The following CNTNAP2 variants were observed in gnomAD, a reference collection of about 807,000 sequenced individuals.
CNTNAP2 encodes contactin-associated protein-like 2.
In CNTNAP2, 98 loss-of-function variants were observed where a neutral mutation model predicts 155.2. The observed-to-expected ratio is 0.63, with a 90% CI of 0.54 to 0.75. The LOEUF is 0.75. Among genes scored for constraint, CNTNAP2 ranks in the 30% least tolerant of loss-of-function variants. The pLI, the probability that CNTNAP2 is intolerant of heterozygous loss-of-function variation, is 0.00. For synonymous variants in CNTNAP2, 651 were observed against 631.2 expected (o/e 1.03, Z -0.47); for missense variants, 1,727 against 1,688.1 (o/e 1.02, Z -0.40).
intron 13 of CNTNAP2, among the ~76,000 whole-genome samples, chr7:147,764,169 C>T (rs1797350125): frequency 2.0e-5 from 3 of 152,172 alleles, no homozygotes; most frequent in South Asian, 4.1e-4. Flanking sequence ...TCTTGCCCTA[C>T]ACCATAGCTC....
intron 1 of CNTNAP2, among the ~76,000 whole-genome samples, chr7:146,720,194 C>G (rs1485133853): frequency 1.3e-5 from 2 of 152,008 alleles, no homozygotes; most frequent in Non-Finnish European, 2.9e-5. Context: ...GACTATGCCT[C>G]TGGTTTGGTG....
At chr7:146,232,045 A>G (rs943013204) in intron 1 of CNTNAP2, among the ~76,000 whole-genome samples, 4 of 152,026 alleles carry the variant, frequency 2.6e-5, no homozygotes, top group South Asian at 2.1e-4. Flanking sequence ...TCAAGAAACT[A>G]TAAAAGAGGC....
At chr7:146,711,690 A>T (rs1801075393) in intron 1 of CNTNAP2, among the ~76,000 whole-genome samples, 1 of 147,968 alleles carries the variant, frequency 6.8e-6, no homozygotes, top group South Asian at 2.1e-4. Flanking sequence ...CATTATATAT[A>T]CATATCTTAT....
At chr7:147,940,751 T>C (rs2116814509) in intron 14 of CNTNAP2, among the ~76,000 whole-genome samples, 2 of 152,176 alleles carry the variant, frequency 1.3e-5, no homozygotes, top group South Asian at 4.2e-4. Flanking sequence ...CCAGGATGGT[T>C]GGTCTAGAAT....
intron 8 of CNTNAP2, among the ~76,000 whole-genome samples, chr7:147,170,967 T>A (rs193077089): frequency 2.0e-5 from 3 of 152,230 alleles, no homozygotes; most frequent in African/African-American, 4.8e-5. Context: ...TGGAGAGCCC[T>A]GAGAGACGGG....
At chr7:146,221,030 A>G (rs1242568628) in intron 1 of CNTNAP2, among the ~76,000 whole-genome samples, 2 of 152,220 alleles carry the variant, frequency 1.3e-5, no homozygotes, top group Non-Finnish European at 2.9e-5. Flanking sequence ...CAGAGTCCAG[A>G]GTCGTCTTCA....
At chr7:147,745,680 T>C (rs77417399) in intron 13 of CNTNAP2, among the ~76,000 whole-genome samples, 3 of 152,338 alleles carry the variant, frequency 2.0e-5, no homozygotes, top group African/African-American at 7.2e-5. Flanking sequence ...GAAGTCAGCA[T>C]TACTTGGTAA....
intron 1 of CNTNAP2, among the ~76,000 whole-genome samples, chr7:146,186,085 G>T (rs1251926241): frequency 2.6e-5 from 4 of 151,948 alleles, no homozygotes; most frequent in Middle Eastern, 3.2e-3. Context: ...TTTTTGTTAA[G>T]GATTGTAATC....
At chr7:148,113,570 G>C (rs1585132410) in intron 15 of CNTNAP2, among the ~76,000 whole-genome samples, 1 of 152,224 alleles carries the variant, frequency 6.6e-6, no homozygotes, top group Admixed American at 6.5e-5. Context: ...TATGAAATTT[G>C]TGTGAAGATA....
chr7:147,584,695 CACT>C (rs1324843290), intron 12 of CNTNAP2, among the ~76,000 whole-genome samples: 3 of 152,158 alleles, frequency 2.0e-5, no homozygotes, highest in African/African-American at 7.2e-5. Context: ...TTAGCAGCAC[CACT>C]ATTACCGATG....
chr7:146,399,335 C>CCCT (rs1795681537), intron 1 of CNTNAP2, among the ~76,000 whole-genome samples: 1 of 152,114 alleles, frequency 6.6e-6, no homozygotes, highest in Non-Finnish European at 1.5e-5. Context: ...CTTGTCCCTT[C>CCCT]CCTCCAGTCT....
intron 14 of CNTNAP2, among the ~76,000 whole-genome samples, chr7:147,961,713 A>T (rs1801123026): frequency 6.6e-6 from 1 of 152,316 alleles, no homozygotes; most frequent in East Asian, 1.9e-4. Flanking sequence ...GTAATAAAAG[A>T]TTCTAGATAT....
At chr7:147,764,543 A>G (rs1419934894) in intron 13 of CNTNAP2, among the ~76,000 whole-genome samples, 1 of 152,206 alleles carries the variant, frequency 6.6e-6, no homozygotes, top group Non-Finnish European at 1.5e-5. Context: ...CCTGAATCAC[A>G]AAGTTATGTT....
intron 3 of CNTNAP2, among the ~76,000 whole-genome samples, chr7:146,998,024 A>G (rs922718078): frequency 6.6e-6 from 1 of 151,834 alleles, no homozygotes; most frequent in Non-Finnish European, 1.5e-5. Flanking sequence ...AGGCTTTTGT[A>G]GTCTGTATTT....
chr7:146,180,569 T>A (rs1247619593), intron 1 of CNTNAP2, among the ~76,000 whole-genome samples: 1 of 152,160 alleles, frequency 6.6e-6, no homozygotes, highest in African/African-American at 2.4e-5. Flanking sequence ...TATTAAAATG[T>A]ATGTATTCAA....
intron 4 of CNTNAP2, among the ~76,000 whole-genome samples, chr7:147,061,959 T>C (rs1276644363): frequency 6.6e-6 from 1 of 151,594 alleles, no homozygotes; most frequent in Non-Finnish European, 1.5e-5. Flanking sequence ...AAACCCCATC[T>C]CTACTAAAAA....
intron 2 of CNTNAP2, among the ~76,000 whole-genome samples, chr7:146,791,075 C>T (rs939899566): frequency 6.6e-6 from 1 of 152,006 alleles, no homozygotes; most frequent in African/African-American, 2.4e-5. Context: ...CCCCCAGCCC[C>T]TACCCCCTGA....
chr7:146,463,509 T>G (rs948691761), intron 1 of CNTNAP2, among the ~76,000 whole-genome samples: 9 of 152,050 alleles, frequency 5.9e-5, no homozygotes, highest in African/African-American at 2.2e-4. Context: ...TAAATGTGAT[T>G]GTGACAAAGC....
intron 1 of CNTNAP2, among the ~76,000 whole-genome samples, chr7:146,273,979 C>A (rs1234444981): frequency 6.6e-6 from 1 of 151,964 alleles, no homozygotes; most frequent in Non-Finnish European, 1.5e-5. Context: ...ATGTGTAAGA[C>A]CTTGACATTA....
Sources: allele counts gnomAD v4.1 joint callset (sites outside exome capture counted in the v4.1 genomes callset), GRCh38; gene constraint gnomAD v4.1.1; transcripts MANE v1.5; gene names NCBI Gene and HGNC (gene_info 2026-07-23, HGNC 2026-07-21).